The following ZC3H13 variants were observed in gnomAD, a reference collection of about 807,000 sequenced individuals.
ZC3H13 encodes zinc finger CCCH domain-containing protein 13.
In ZC3H13, 64 loss-of-function variants were observed where a neutral mutation model predicts 204.1. That is an observed-to-expected ratio of 0.31 (90% CI 0.26 to 0.39). ZC3H13 has a LOEUF of 0.39. Ranked by LOEUF, ZC3H13 falls within the 10% of genes least tolerant of loss-of-function variation. The pLI is 1.00. For missense variants in ZC3H13, 1,833 were observed against 2,082.7 expected, an observed-to-expected ratio of 0.88 and a Z score of 2.33; for synonymous variants, 667 against 693.7, an observed-to-expected ratio of 0.96 and a Z score of 0.60.
intron 15 of ZC3H13, among the ~76,000 whole-genome samples, 162 bp downstream of exon 15, chr13:45,967,342 T>A (rs1593461851): frequency 1.3e-5 from 2 of 152,208 alleles, no homozygotes; most frequent in East Asian, 1.9e-4. Flanking sequence ...TATATCTCTA[T>A]CTTACAGGCC....
rs765423497 is a variant in ZC3H13, at chr13:45,985,265, GAT to G, written c.1720+30_1720+31del. On this transcript the variant is annotated intron_variant, in intron 10 of 18. Coordinates refer to ENST00000679008, the MANE Select transcript of ZC3H13 (RefSeq NM_001330564.2). Reference sequence around the variant, plus strand: ...AGGAGATTTTATACTTTCTATATAAGATATAGTTCATAGACAAGTCAAAAACC... The same window carrying G: ...AGGAGATTTTATACTTTCTATATAAGATAGTTCATAGACAAGTCAAAAACC... 6 of 1,533,500 alleles carry G rather than the reference GAT, an allele frequency of 3.9e-6. No individual in the cohort carries two copies. The South Asian group carries it at 6.3e-5, about 16-fold the overall frequency. The allele number at this position is 1,533,500 out of a possible 1,614,324, so 95.0% of individuals were successfully genotyped here.
chr13:45,968,113 A>G (rs1952247724), intron 14 of ZC3H13, 85 bp from the exon 15 acceptor site: 2 of 1,375,742 alleles, frequency 1.5e-6, no homozygotes, highest in African/African-American at 2.9e-5. Flanking sequence ...CCTTTAAAAC[A>G]TAATTTACCT....
chr13:46,045,371 CT>C lies in ZC3H13; in HGVS notation c.117+19del. 1 of 1,585,326 alleles carries C rather than the reference CT, an allele frequency of 6.3e-7. No homozygotes were observed. The highest frequency in any genetic ancestry group is 1.1e-5 in the South Asian group (1 of 90,362). On this transcript the variant is annotated intron_variant, in intron 2 of 18. Coordinates refer to ENST00000679008, the MANE Select transcript of ZC3H13 (RefSeq NM_001330564.2). ...TAGAATTCTAAGAGAACCCCTGTGA[CT>C]ATACTAGTGACAACTCACCTCTGCT...
intron 1 of ZC3H13, among the ~76,000 whole-genome samples, chr13:46,047,912 A>G (rs1251502368): frequency 2.0e-5 from 3 of 151,824 alleles, no homozygotes; most frequent in Non-Finnish European, 4.4e-5. Context: ...CCATCCCACC[A>G]CACTGCCTCA....
chr13:46,008,917 T>G (rs897242818), intron 7 of ZC3H13, among the ~76,000 whole-genome samples: 7 of 152,158 alleles, frequency 4.6e-5, no homozygotes, highest in Admixed American at 4.6e-4. Flanking sequence ...TCAACTTTAC[T>G]AAGTGCCTTA....
chr13:45,974,670 T>C (rs536739787), intron 12 of ZC3H13, among the ~76,000 whole-genome samples: 3 of 152,204 alleles, frequency 2.0e-5, no homozygotes, highest in South Asian at 4.1e-4. Context: ...TTCCAAGACA[T>C]TGTGAATGCT....
At chr13:46,028,681 T>C (rs2042691850) in intron 4 of ZC3H13, among the ~76,000 whole-genome samples, 1 of 152,150 alleles carries the variant, frequency 6.6e-6, no homozygotes, top group Non-Finnish European at 1.5e-5. Flanking sequence ...GCTTAGAAAT[T>C]AAACAACACA....
chr13:45,978,880 A>G (rs747279107), intron 11 of ZC3H13, among the ~76,000 whole-genome samples: 1 of 152,088 alleles, frequency 6.6e-6, no homozygotes, highest in Non-Finnish European at 1.5e-5. Context: ...AAAATGCATT[A>G]GGCTTACCTT....
intron 17 of ZC3H13, 23 bp from the exon 18 acceptor site, chr13:45,959,669 C>G (rs1025098351): frequency 1.2e-5 from 18 of 1,498,384 alleles, no homozygotes; most frequent in Non-Finnish European, 1.5e-5. Flanking sequence ...AGTAAACATG[C>G]ATTAAGTTTT....
At chr13:46,031,579 A>C (rs932869279) in intron 4 of ZC3H13, among the ~76,000 whole-genome samples, 4 of 152,202 alleles carry the variant, frequency 2.6e-5, no homozygotes, top group African/African-American at 9.6e-5. Flanking sequence ...GGAACTCTTA[A>C]AATTGAATAA....
intron 11 of ZC3H13, among the ~76,000 whole-genome samples, chr13:45,976,535 T>C (rs1320437480): frequency 1.3e-5 from 2 of 152,226 alleles, no homozygotes; most frequent in African/African-American, 4.8e-5. Flanking sequence ...ACATAAATGA[T>C]TACTCAGATG....
chr13:46,040,620 T>C (rs181182017), intron 4 of ZC3H13, among the ~76,000 whole-genome samples: 7 of 152,142 alleles, frequency 4.6e-5, no homozygotes, highest in Admixed American at 3.9e-4. Context: ...TTTCATCAAA[T>C]TAAAAATGTG....
chr13:45,989,977 ATTT>A, intron 8 of ZC3H13, among the ~76,000 whole-genome samples: 1 of 152,342 alleles, frequency 6.6e-6, no homozygotes, highest in South Asian at 2.1e-4. Flanking sequence ...AAAAATTCTG[ATTT>A]TTTAAGTCAA....
rs1954124016 is a variant in ZC3H13, at chr13:45,985,725, C to G, written c.1292G>C (p.Arg431Thr). The G allele has an allele frequency of 6.2e-7, 1 of 1,612,678 alleles. No individual in the cohort carries two copies. The highest frequency in any genetic ancestry group is 1.1e-5 in the South Asian group (1 of 90,938). The change falls in exon 10 of 19, where the codon AGA becomes ACA. Residue 431 changes from arginine (R) to threonine (T), a missense_variant. Around this residue, in one of 5 missense-constraint regions of ZC3H13, gnomAD observed 1,574 missense variants for 1,757.2 expected, o/e 0.90. Transcript: ENST00000679008. ...RGKRDREKDS[R>T]EEREYEQDQS... ...ATCCTGTTCATATTCTCGTTCTTCT[C>G]TTGAGTCCTTTTCTCTGTCTCGTTT...
intron 10 of ZC3H13, among the ~76,000 whole-genome samples, chr13:45,981,919 A>G (rs1265407581): frequency 6.6e-6 from 1 of 151,498 alleles, no homozygotes; most frequent in Admixed American, 6.6e-5. Flanking sequence ...CCTAATGCTA[A>G]ATGACGAGTT....
intron 4 of ZC3H13, among the ~76,000 whole-genome samples, chr13:46,025,479 AT>A (rs1566313739): frequency 1.3e-5 from 2 of 151,908 alleles, no homozygotes; most frequent in Non-Finnish European, 2.9e-5. Context: ...TAATTAAAAA[AT>A]TTTTTTATTT....
At chr13:45,980,743 G>A (rs1019192351) in intron 10 of ZC3H13, among the ~76,000 whole-genome samples, 6 of 152,184 alleles carry the variant, frequency 3.9e-5, no homozygotes, top group African/African-American at 1.4e-4. Flanking sequence ...GTTGCCAGGG[G>A]TTGGGGCCAG....
At chr13:45,959,218 C>T (rs539975877) in intron 18 of ZC3H13, among the ~76,000 whole-genome samples, 7 of 151,274 alleles carry the variant, frequency 4.6e-5, no homozygotes, top group South Asian at 4.2e-4. Flanking sequence ...TTTTGTAATA[C>T]GTTTGCTTGT....
At chr13:46,042,550 A>C (rs1389008397) in intron 3 of ZC3H13, among the ~76,000 whole-genome samples, 1 of 152,110 alleles carries the variant, frequency 6.6e-6, no homozygotes, top group Admixed American at 6.5e-5. Context: ...GGTGATGTGA[A>C]TAAGAAATTA....
Sources: gnomAD v4.1 joint callset for allele counts (sites outside exome capture counted in the v4.1 genomes callset) on GRCh38, gnomAD v4.1.1 for gene constraint, gnomAD v4.1.1 regional missense constraint, MANE v1.5 for transcripts, NCBI Gene and HGNC (gene_info 2026-07-23, HGNC 2026-07-21) for gene names.